The following C1QTNF3 variants were observed in gnomAD, a reference collection of about 807,000 sequenced individuals.
C1QTNF3 encodes the protein C1q and TNF related 3.
In C1QTNF3, 26 loss-of-function variants were observed where a neutral mutation model predicts 32.6. That is an observed-to-expected ratio of 0.80 (90% CI 0.58 to 1.11). The LOEUF is 1.11. Ranked by LOEUF, C1QTNF3 falls within the 50% of genes least tolerant of loss-of-function variation. C1QTNF3 has a pLI of 0.00. For synonymous variants in C1QTNF3, 155 were observed against 146.0 expected (o/e 1.06, Z -0.44); for missense variants, 362 against 398.2 (o/e 0.91, Z 0.77).
the C1QTNF3 span, chr5:34,200,690 T>C: frequency 1.8e-4 from 28 of 152,148 alleles, no homozygotes; most frequent in African/African-American, 5.3e-4. Context: ...CACAAATCTC[T>C]ACTTGTCCTT....
the C1QTNF3 span, among the ~76,000 whole-genome samples, chr5:34,219,625 C>T: frequency 1.7e-4 from 25 of 150,692 alleles, no homozygotes; most frequent in Non-Finnish European, 3.0e-4. Flanking sequence ...AGAACTACTA[C>T]AACTGTTTTT....
the C1QTNF3 span, among the ~76,000 whole-genome samples, chr5:34,073,385 T>C: frequency 1.3e-5 from 2 of 151,988 alleles, no homozygotes; most frequent in African/African-American, 4.8e-5. Flanking sequence ...ATATTTTCAA[T>C]TGTCCATGAA....
At chr5:34,023,122 T>C (rs1754380777) in intron 5 of C1QTNF3, among the ~76,000 whole-genome samples, 3 of 152,158 alleles carry the variant, frequency 2.0e-5, no homozygotes, top group Admixed American at 6.5e-5. Context: ...CCCAAAGTGC[T>C]GGGATTACAG....
the C1QTNF3 span, among the ~76,000 whole-genome samples, chr5:34,056,462 A>G: frequency 1.4e-4 from 14 of 103,112 alleles, no homozygotes; most frequent in Admixed American, 4.3e-4. Context: ...GTGTATATAT[A>G]TATATATATA....
chr5:34,175,189 A>G, the C1QTNF3 span, among the ~76,000 whole-genome samples: 2 of 151,948 alleles, frequency 1.3e-5, no homozygotes, highest in Non-Finnish European at 2.9e-5. Context: ...GACTACAGGC[A>G]CACACCACCA....
At chr5:34,033,212 G>T in intron 3 of C1QTNF3, 92 bp downstream of exon 3, 1 of 1,376,992 alleles carries the variant, frequency 7.3e-7, no homozygotes, top group South Asian at 1.3e-5. Context: ...GATTGGGGAA[G>T]ACTTGAGGAA....
chr5:34,160,126 A>C, the C1QTNF3 span, among the ~76,000 whole-genome samples: 1 of 152,220 alleles, frequency 6.6e-6, no homozygotes, highest in Non-Finnish European at 1.5e-5. Context: ...TACTGAGGGC[A>C]TTACAATCCA....
intron 3 of C1QTNF3, among the ~76,000 whole-genome samples, chr5:34,032,883 T>G (rs1754649309): frequency 6.6e-6 from 1 of 152,188 alleles, no homozygotes; most frequent in African/African-American, 2.4e-5. Flanking sequence ...TATATGTAAA[T>G]ATAACAATGT....
At chr5:34,023,773 T>A in intron 5 of C1QTNF3, 136 bp downstream of exon 5, 1 of 581,134 alleles carries the variant, frequency 1.7e-6, no homozygotes, top group Non-Finnish European at 3.1e-6. Flanking sequence ...GTGGCCATAC[T>A]GGTGCATGAG....
rs1245189092 is a variant in C1QTNF3, at chr5:34,020,672, C to T, written c.871G>A (p.Val291Ile). 2 of 1,614,108 alleles carry T rather than the reference C, an allele frequency of 1.2e-6. No individual in the cohort carries two copies. Among genetic ancestry groups the T allele is most frequent in the Non-Finnish European group, 1.7e-6 (2 of 1,180,044 alleles). ...AVLKLAKGDE[V>I]WLRMGNGALH... is the part of the protein sequence containing the mutation. Reference sequence around the variant, plus strand: ...GCGCCATTGCCCATTCGCAGCCAAACCTCATCCCCTTTGGCTAGCTTCAGC... The same window carrying T: ...GCGCCATTGCCCATTCGCAGCCAAATCTCATCCCCTTTGGCTAGCTTCAGC... The change falls in exon 6 of 6, where the codon GTT becomes ATT. Residue 291 changes from valine (V) to isoleucine (I), a missense_variant. By Grantham distance (29) the Val-to-Ile change is conservative. Coordinates refer to ENST00000382065, the MANE Select transcript of C1QTNF3 (RefSeq NM_181435.6).
At chr5:34,128,756 C>A in the C1QTNF3 span, among the ~76,000 whole-genome samples, 1 of 152,170 alleles carries the variant, frequency 6.6e-6, no homozygotes, top group Non-Finnish European at 1.5e-5. Flanking sequence ...ATGCCTGTAA[C>A]CCCATTGTAA....
intron 5 of C1QTNF3, among the ~76,000 whole-genome samples, 200 bp downstream of exon 5, chr5:34,023,709 G>C (rs1478342845): frequency 6.6e-6 from 1 of 152,196 alleles, no homozygotes; most frequent in African/African-American, 2.4e-5. Flanking sequence ...TTATCAACCT[G>C]CTGATGCTCA....
At chr5:34,059,009 T>A in the C1QTNF3 span, among the ~76,000 whole-genome samples, 1 of 152,188 alleles carries the variant, frequency 6.6e-6, no homozygotes, top group Non-Finnish European at 1.5e-5. Context: ...TGGTGAAGGT[T>A]TGAACTGCGT....
At chr5:34,201,319 T>A in the C1QTNF3 span, among the ~76,000 whole-genome samples, 1 of 152,084 alleles carries the variant, frequency 6.6e-6, no homozygotes, top group East Asian at 1.9e-4. Flanking sequence ...CAAACACAGG[T>A]GGAATGGACT....
chr5:34,058,965 G>A, the C1QTNF3 span, among the ~76,000 whole-genome samples: 7,575 of 152,182 alleles, frequency 0.05, 588 homozygotes, highest in African/African-American at 0.16. Flanking sequence ...AGGTCAAGAC[G>A]AGAAACAGAG....
At chr5:34,048,878 TGCTCCTGCCACAAGGAACAGACATTCAA>T in the C1QTNF3 span, among the ~76,000 whole-genome samples, 3 of 152,168 alleles carry the variant, frequency 2.0e-5, no homozygotes, top group African/African-American at 7.2e-5. Context: ...TCTCTAGGAA[TGCTCCTGCCACAAGGAACAGACATTCAA>T]GCTCCTGGGG....
chr5:34,161,648 C>T, the C1QTNF3 span, among the ~76,000 whole-genome samples: 1 of 152,076 alleles, frequency 6.6e-6, no homozygotes, highest in Non-Finnish European at 1.5e-5. Flanking sequence ...TAGACAATGT[C>T]CATTGGACTT....
the C1QTNF3 span, among the ~76,000 whole-genome samples, chr5:34,123,045 G>C: frequency 6.6e-6 from 1 of 151,524 alleles, no homozygotes; most frequent in Admixed American, 6.6e-5. Context: ...CAGCCTTAGC[G>C]AAGTGTGTAT....
intron 5 of C1QTNF3, among the ~76,000 whole-genome samples, chr5:34,022,538 T>C (rs1008582953): frequency 3.9e-5 from 6 of 152,096 alleles, no homozygotes; most frequent in South Asian, 4.1e-4. Flanking sequence ...CTGTCTCCCA[T>C]AGGGACAGGG....
Sources: allele counts gnomAD v4.1 joint callset (sites outside exome capture counted in the v4.1 genomes callset), GRCh38; gene constraint gnomAD v4.1.1; transcripts MANE v1.5; gene names NCBI Gene and HGNC (gene_info 2026-07-23, HGNC 2026-07-21).